The following KCNH1 variants were observed in gnomAD, a reference collection of about 807,000 sequenced individuals.
KCNH1 encodes potassium voltage-gated channel subfamily H member 1.
In KCNH1, 27 loss-of-function variants were observed where a neutral mutation model predicts 69.2. The observed-to-expected ratio is 0.39, with a 90% CI of 0.29 to 0.54. The LOEUF is 0.54. Among genes scored for constraint, KCNH1 ranks in the 20% least tolerant of loss-of-function variants. The probability of loss-of-function intolerance (pLI) is 0.68; values close to 1 mark genes in which losing one functional copy is unlikely to be tolerated. For synonymous variants in KCNH1, 456 were observed against 487.7 expected (o/e 0.93, Z 0.86); for missense variants, 798 against 1,261.6 (o/e 0.63, Z 5.57).
intron 7 of KCNH1, chr1:210,859,133 G>A: frequency 8.4e-7 from 1 of 1,188,694 alleles, no homozygotes; most frequent in Non-Finnish European, 1.3e-6. Context: ...AGGAACACAA[G>A]CTCTTCACTA....
intron 1 of KCNH1, among the ~76,000 whole-genome samples, chr1:211,130,544 A>C (rs1691858106): frequency 6.6e-6 from 1 of 152,212 alleles, no homozygotes; most frequent in Admixed American, 6.5e-5. Context: ...AATACATTCA[A>C]TAAATCTTTG....
At chr1:210,733,817 G>T (rs571796427) in intron 10 of KCNH1, among the ~76,000 whole-genome samples, 40 of 152,160 alleles carry the variant, frequency 2.6e-4, no homozygotes, top group Admixed American at 1.3e-4. Flanking sequence ...GACACAGAAG[G>T]ACAAGGAGAA....
At chr1:211,001,077 CA>C (rs761587430) in intron 6 of KCNH1, among the ~76,000 whole-genome samples, 12 of 152,088 alleles carry the variant, frequency 7.9e-5, no homozygotes, top group Non-Finnish European at 1.3e-4. Flanking sequence ...AAAACCCAGG[CA>C]ATACCATTCA....
chr1:210,782,447 C>T (rs539332984), intron 9 of KCNH1, among the ~76,000 whole-genome samples: 164 of 152,140 alleles, frequency 1.1e-3, no homozygotes, highest in African/African-American at 3.7e-3. Flanking sequence ...GTGCCCTGGC[C>T]GGGCACAGTA....
At chr1:210,787,355 A>G (rs1338611605) in intron 9 of KCNH1, among the ~76,000 whole-genome samples, 1 of 152,142 alleles carries the variant, frequency 6.6e-6, no homozygotes, top group Non-Finnish European at 1.5e-5. Context: ...TGCCTGTCAT[A>G]TAAGCTCCCA....
At chr1:211,007,134 TAAGTCTGTCTTC>T (rs1336630820) in intron 6 of KCNH1, among the ~76,000 whole-genome samples, 3 of 152,204 alleles carry the variant, frequency 2.0e-5, no homozygotes, top group Non-Finnish European at 1.5e-5. Context: ...AGGCTAACAC[TAAGTCTGTCTTC>T]ACTTGGAAGC....
At chr1:210,794,321 A>G (rs534733645) in intron 9 of KCNH1, among the ~76,000 whole-genome samples, 15 of 152,178 alleles carry the variant, frequency 9.9e-5, no homozygotes, top group African/African-American at 2.4e-4. Flanking sequence ...TACAGACTCA[A>G]TCTGGCTCCT....
intron 8 of KCNH1, among the ~76,000 whole-genome samples, chr1:210,801,954 C>T (rs1558475701): frequency 6.6e-6 from 1 of 152,200 alleles, no homozygotes; most frequent in Admixed American, 6.5e-5. Context: ...AAAGCACAGG[C>T]TTTGAAGTCA....
At chr1:210,770,010 T>A (rs1313742258) in intron 10 of KCNH1, among the ~76,000 whole-genome samples, 1 of 152,116 alleles carries the variant, frequency 6.6e-6, no homozygotes, top group Non-Finnish European at 1.5e-5. Flanking sequence ...ATAAACCCAA[T>A]TAGGGCAGCC....
chr1:210,780,267 C>G (rs1470908289), intron 9 of KCNH1, among the ~76,000 whole-genome samples: 1 of 152,070 alleles, frequency 6.6e-6, no homozygotes, highest in Non-Finnish European at 1.5e-5. Flanking sequence ...TCTGGGAGAT[C>G]AGAAAAAAAT....
At position 210,986,916 on chromosome 1, in the gene KCNH1, T is replaced by C. The variant is rs138868685; in HGVS notation, c.1032+31867A>G. On this transcript the variant is annotated intron_variant, in intron 6 of 10. Coordinates refer to ENST00000271751, the MANE Select transcript of KCNH1 (RefSeq NM_172362.3). ...TTCCATTCTCCCCATCACTTTCAGG[T>C]ATACCAGTCAGATGTAGATTTGGTC... Among the ~76,000 whole-genome samples, 634 of 152,364 alleles carry C rather than the reference T, an allele frequency of 4.2e-3. 4 individuals carry two copies. The highest frequency in any genetic ancestry group is 0.013 in the African/African-American group (538 of 41,590).
At chr1:210,960,019 G>A (rs751327241) in intron 6 of KCNH1, among the ~76,000 whole-genome samples, 2 of 152,162 alleles carry the variant, frequency 1.3e-5, no homozygotes, top group African/African-American at 2.4e-5. Flanking sequence ...GACTGGAGCT[G>A]TTCCTATTTG....
rs192813476 is a variant in KCNH1 at position 211,023,750 on chromosome 1, C to G, written c.559-4494G>C. Among the ~76,000 whole-genome samples, 4 of 152,148 alleles carry G rather than the reference C, an allele frequency of 2.6e-5. No homozygotes were observed. The East Asian group carries it at 7.7e-4, about 29-fold the overall frequency. On this transcript the variant is annotated intron_variant, in intron 5 of 10. Coordinates refer to ENST00000271751, the MANE Select transcript of KCNH1 (RefSeq NM_172362.3). ...GGTAAGTATTTAAGGTGATGGATAT[C>G]CCAACTACCCTGATTTGATTATATA... is the stretch of plus-strand genomic sequence containing the variant.
At chr1:211,047,958 A>G (rs1013812015) in intron 5 of KCNH1, among the ~76,000 whole-genome samples, 1 of 152,086 alleles carries the variant, frequency 6.6e-6, no homozygotes, top group Non-Finnish European at 1.5e-5. Flanking sequence ...AAAATATACA[A>G]TGGCCAAAAA....
intron 9 of KCNH1, among the ~76,000 whole-genome samples, chr1:210,782,419 C>G (rs1258712878): frequency 1.3e-5 from 2 of 152,034 alleles, no homozygotes; most frequent in Admixed American, 6.6e-5. Context: ...GAAGATGGAA[C>G]CTTTATGATT....
intron 7 of KCNH1, among the ~76,000 whole-genome samples, chr1:210,895,728 G>A (rs1686851668): frequency 6.6e-6 from 1 of 151,866 alleles, no homozygotes; most frequent in Non-Finnish European, 1.5e-5. Flanking sequence ...ACAGAATATA[G>A]TTTCAAGCAG....
In KCNH1 at chr1:210,683,803, C is replaced by T. The variant is rs112047226; in HGVS notation, c.2448G>A (p.Ala816=). Residue 816 remains alanine (A), a synonymous_variant, in exon 11 of 11, where the codon GCG becomes GCA. Transcript: ENST00000271751. The surrounding 1 kb of genome is among the most constrained non-coding windows in gnomAD (Gnocchi z 5.7). Reference sequence around the variant, plus strand: ...TGGGGCCCAGGCACTCGGACCCTGGCGCCTGTAGCTTTGCGTGGTCTGGCA... The same window carrying T: ...TGGGGCCCAGGCACTCGGACCCTGGTGCCTGTAGCTTTGCGTGGTCTGGCA... ...SGVPDHAKLQ[A]PGSECLGPKG... 1.9e-3 allele frequency: 2,989 copies of T among 1,613,730 alleles called. 57 individuals are homozygous for T. In the African/African-American group the frequency reaches 0.035, roughly 19 times the overall value.
Position 210,679,464 on chromosome 1 carries a change from C to A in KCNH1, c.*3817G>T, listed in dbSNP as rs1681213655. The A allele has an allele frequency of 6.6e-6, 1 of 152,164 alleles. No individual in the cohort carries two copies. The highest frequency in any genetic ancestry group is 2.4e-5 in the African/African-American group (1 of 41,414). The allele number at this position is 152,164 out of a possible 1,614,324, so 9.4% of individuals were successfully genotyped here. On this transcript the variant is annotated 3_prime_UTR_variant, in exon 11 of 11. Coordinates refer to ENST00000271751, the MANE Select transcript of KCNH1 (RefSeq NM_172362.3). ...CTCCACCAGGGCTCCTAAAATTTCCCAGAGTATGCATGGGAGACATAGTGG... is the reference window on the plus strand; with the variant it reads ...CTCCACCAGGGCTCCTAAAATTTCCAAGAGTATGCATGGGAGACATAGTGG...
At chr1:210,798,559 AG>A (rs1467156070) in intron 8 of KCNH1, among the ~76,000 whole-genome samples, 1 of 152,212 alleles carries the variant, frequency 6.6e-6, no homozygotes, top group Non-Finnish European at 1.5e-5. Flanking sequence ...AGTATGATAG[AG>A]AAATACTGGA....
Sources: gnomAD v4.1 joint callset for allele counts (sites outside exome capture counted in the v4.1 genomes callset) on GRCh38, gnomAD v4.1.1 for gene constraint, Gnocchi (gnomAD v3.1) non-coding constraint, MANE v1.5 for transcripts, NCBI Gene and HGNC (gene_info 2026-07-23, HGNC 2026-07-21) for gene names.